ELK3: variants seen among roughly 807,000 people sequenced by gnomAD.
The protein encoded by ELK3 is ETS transcription factor ELK3, also known as ETS domain-containing protein Elk-3.
ELK3 carries 10 observed loss-of-function variants against 28.9 expected under a neutral mutation model. That is an observed-to-expected ratio of 0.35 (90% CI 0.21 to 0.59). The LOEUF is 0.59. ELK3 is among the 20% of genes least tolerant of loss of function. The pLI is 0.82. For missense variants in ELK3, 463 were observed against 517.3 expected (o/e 0.90, Z 1.02); for synonymous variants, 272 against 243.5 (o/e 1.12, Z -1.09).
At chr12:96,220,755 A>AT (rs201555830) in intron 1 of ELK3, among the ~76,000 whole-genome samples, 18 of 150,782 alleles carry the variant, frequency 1.2e-4, no homozygotes, top group East Asian at 3.9e-4. Flanking sequence ...CAAAGGGAGA[A>AT]TTTTTTTTTT....
In ELK3 at chr12:96,247,027, G is replaced by T. The variant is rs755054684; in HGVS notation, c.295G>T (p.Glu99Ter). 6.2e-7 allele frequency: 1 copy of T among 1,614,116 alleles called. No homozygotes were observed. The highest frequency in any genetic ancestry group is 2.2e-5 in the East Asian group (1 of 44,880). The change falls in exon 3 of 5, where the codon GAG becomes TAG. Residue 99 changes from glutamate to a stop codon, truncating the protein, a stop_gained. Transcript: ENST00000228741. LOFTEE classifies it high-confidence loss of function. This position sits in a 1 kb window ranked among gnomAD's most constrained non-coding sequence, Gnocchi z 5.5. The stretch of plus-strand genomic sequence containing the variant: ...CCTGAAGATGGATCCTCACGCGGTG[G>T]AGATCAGCCGGGAGAGCCTTCTGCT... ...EILKMDPHAV[E>*]ISRESLLLQD...
rs571204676 is a variant in ELK3, at chr12:96,266,745, T to C, written c.1126-337T>C. ...TATTTAATATTAAACATTATTTTAA[T>C]ATTTATAGCATTATCAGCATCCTGA... On this transcript the variant is annotated intron_variant, in intron 4 of 4. Transcript: ENST00000228741. Among the ~76,000 whole-genome samples, 10 of 152,296 alleles carry C rather than the reference T, an allele frequency of 6.6e-5. No homozygotes were observed. The South Asian group carries it at 2.1e-3, about 32-fold the overall frequency.
intron 3 of ELK3, among the ~76,000 whole-genome samples, chr12:96,254,983 G>A (rs761386685): frequency 6.6e-6 from 1 of 152,128 alleles, no homozygotes; most frequent in Non-Finnish European, 1.5e-5. Flanking sequence ...GGGTATGAGT[G>A]ACAGTCTGAA....
chr12:96,205,011 G>A lies in ELK3; in HGVS notation c.-3+10306G>A, dbSNP rs548316422. 9.2e-5 allele frequency among the ~76,000 whole-genome samples: 14 copies of A among 152,354 alleles called. No individual in the cohort carries two copies. The South Asian group carries it at 2.5e-3, about 27-fold the overall frequency. ...TACGGATGTGGGCTGCAAGAGGGAGGTCTGTGTCTGAGAGAATGGGACAAT... is the reference window on the plus strand; with the variant it reads ...TACGGATGTGGGCTGCAAGAGGGAGATCTGTGTCTGAGAGAATGGGACAAT... On this transcript the variant is annotated intron_variant, in intron 1 of 4. Coordinates refer to ENST00000228741, the MANE Select transcript of ELK3 (RefSeq NM_005230.4).
intron 3 of ELK3, among the ~76,000 whole-genome samples, chr12:96,250,792 C>G (rs750344947): frequency 6.6e-6 from 1 of 152,156 alleles, no homozygotes; most frequent in Non-Finnish European, 1.5e-5. Flanking sequence ...GGGCTGTCAG[C>G]TTTGCTTAGT....
chr12:96,208,084 G>A (rs778718016), intron 1 of ELK3, among the ~76,000 whole-genome samples: 19 of 152,020 alleles, frequency 1.2e-4, no homozygotes, highest in Non-Finnish European at 7.4e-5. Context: ...ACAGAGTCTC[G>A]CTCTGTTGCC....
Position 96,267,202 on chromosome 12 carries a change from G to T in ELK3, c.*22G>T, listed in dbSNP as rs375758278. 106 of 1,603,354 alleles carry T rather than the reference G, an allele frequency of 6.6e-5. No individual in the cohort carries two copies. The African/African-American group carries it at 1.3e-3, about 19-fold the overall frequency. On this transcript the variant is annotated 3_prime_UTR_variant, in exon 5 of 5. Transcript: ENST00000228741. ...CTGATGACGTCTGGCCACAATTAAG[G>T]ACTCATTAACTGATGAAACAAATTT... is the stretch of plus-strand genomic sequence containing the variant.
At chr12:96,221,118 C>T (rs915581187) in intron 1 of ELK3, among the ~76,000 whole-genome samples, 4 of 152,114 alleles carry the variant, frequency 2.6e-5, no homozygotes, top group African/African-American at 9.7e-5. Context: ...TGTCAGCACT[C>T]CTCCCACAGC....
At chr12:96,197,119 A>T (rs2136996057) in intron 1 of ELK3, among the ~76,000 whole-genome samples, 1 of 152,162 alleles carries the variant, frequency 6.6e-6, no homozygotes, top group Non-Finnish European at 1.5e-5. Context: ...GAGGTTGTAA[A>T]CTCTCTCCAG....
intron 2 of ELK3, among the ~76,000 whole-genome samples, chr12:96,239,841 C>A (rs983661880): frequency 9.2e-5 from 14 of 152,342 alleles, no homozygotes; most frequent in African/African-American, 2.9e-4. Context: ...TCTGAGAAGC[C>A]GCCGGGAGCA....
At chr12:96,212,992 C>T (rs970772920) in intron 1 of ELK3, among the ~76,000 whole-genome samples, 1 of 152,178 alleles carries the variant, frequency 6.6e-6, no homozygotes, top group Non-Finnish European at 1.5e-5. Flanking sequence ...ATTCATTACA[C>T]ACCTTTTAAT....
At chr12:96,242,792 T>C (rs1175700879) in intron 2 of ELK3, among the ~76,000 whole-genome samples, 2 of 152,180 alleles carry the variant, frequency 1.3e-5, no homozygotes, top group Non-Finnish European at 2.9e-5. Flanking sequence ...CCCTCCCAGT[T>C]CCACTCTTTA....
chr12:96,201,731 C>G (rs1176435502), intron 1 of ELK3, among the ~76,000 whole-genome samples: 1 of 152,132 alleles, frequency 6.6e-6, no homozygotes, highest in African/African-American at 2.4e-5. Context: ...TTCTTGCTGT[C>G]ATCTCCAGAC....
At chr12:96,223,444 A>G (rs1316573192) in intron 1 of ELK3, 121 bp from the exon 2 acceptor site, 1 of 880,444 alleles carries the variant, frequency 1.1e-6, no homozygotes, top group African/African-American at 1.7e-5. Context: ...GCTACTTTTT[A>G]TTAGGTTCAC....
At chr12:96,204,649 G>A (rs1427309632) in intron 1 of ELK3, among the ~76,000 whole-genome samples, 1 of 152,186 alleles carries the variant, frequency 6.6e-6, no homozygotes, top group Non-Finnish European at 1.5e-5. Context: ...GGTAGCTGCA[G>A]GAATTCTCTG....
chr12:96,259,645 C>G, intron 3 of ELK3, 86 bp from the exon 4 acceptor site: 3 of 1,442,624 alleles, frequency 2.1e-6, no homozygotes, highest in Non-Finnish European at 2.8e-6. Context: ...CATGCCTAGC[C>G]TACCTAACCT....
At chr12:96,215,670 C>CT (rs1233621504) in intron 1 of ELK3, among the ~76,000 whole-genome samples, 5 of 143,286 alleles carry the variant, frequency 3.5e-5, no homozygotes, top group Non-Finnish European at 6.0e-5. Context: ...TGGTCTCGCT[C>CT]TGTCACCCAG....
intron 1 of ELK3, among the ~76,000 whole-genome samples, chr12:96,223,310 G>C (rs939630066): frequency 6.6e-6 from 1 of 152,196 alleles, no homozygotes; most frequent in Non-Finnish European, 1.5e-5. Context: ...GCTGTCACTC[G>C]TGGGGACATG....
chr12:96,241,448 G>GTA (rs1243705817), intron 2 of ELK3, among the ~76,000 whole-genome samples: 1 of 151,788 alleles, frequency 6.6e-6, no homozygotes, highest in East Asian at 1.9e-4. Flanking sequence ...GTGTGTGTGT[G>GTA]TGTGTGTGTG....
Sources: allele counts gnomAD v4.1 joint callset (sites outside exome capture counted in the v4.1 genomes callset), GRCh38; gene constraint gnomAD v4.1.1; non-coding constraint Gnocchi (gnomAD v3.1); transcripts MANE v1.5; gene names NCBI Gene and HGNC (gene_info 2026-07-23, HGNC 2026-07-21).